SLC6A15: variants seen among roughly 807,000 people sequenced by gnomAD.
SLC6A15 encodes the protein sodium-dependent neutral amino acid transporter B(0)AT2.
Under a neutral mutation model 68.5 loss-of-function variants are expected in SLC6A15, and 33 were observed. That is an observed-to-expected ratio of 0.48 (90% CI 0.37 to 0.64). The LOEUF is 0.64. Among genes scored for constraint, SLC6A15 ranks in the 30% least tolerant of loss-of-function variants. SLC6A15 has a pLI of 0.00. For missense variants in SLC6A15, 747 were observed against 874.3 expected, an observed-to-expected ratio of 0.85 and a Z score of 1.84; for synonymous variants, 347 against 301.0, an observed-to-expected ratio of 1.15 and a Z score of -1.58.
At position 84,872,548 on chromosome 12, in the gene SLC6A15, T is replaced by C. The variant is rs1199093789; in HGVS notation, c.1302+54A>G. 8.2e-6 allele frequency: 12 copies of C among 1,465,524 alleles called. No homozygotes were observed. In the African/African-American group the frequency reaches 1.4e-4, roughly 17 times the overall value. The allele number at this position is 1,465,524 out of a possible 1,614,324, so 90.8% of individuals were successfully genotyped here. ...TTCCTGAAGGGAGTCTGCTGGATAA[T>C]GCATATTTCAAGTGAATGATAATTA... On this transcript the variant is annotated intron_variant, in intron 8 of 11. Transcript: ENST00000266682.
chr12:84,866,423 A>G (rs1565719772), intron 10 of SLC6A15, among the ~76,000 whole-genome samples: 1 of 152,186 alleles, frequency 6.6e-6, no homozygotes, highest in Non-Finnish European at 1.5e-5. Context: ...TTATGCGTAT[A>G]GTGAATTTAA....
chr12:84,885,877 A>C, intron 3 of SLC6A15, 34 bp downstream of exon 3: 1 of 1,557,702 alleles, frequency 6.4e-7, no homozygotes, highest in South Asian at 1.2e-5. Flanking sequence ...AACCCTATAA[A>C]GATTACAGCA....
At chr12:84,890,506 A>C (rs1411262347) in intron 2 of SLC6A15, among the ~76,000 whole-genome samples, 2 of 152,240 alleles carry the variant, frequency 1.3e-5, no homozygotes, top group African/African-American at 4.8e-5. Context: ...AGCTGATTTA[A>C]TAAATAATTC....
intron 8 of SLC6A15, 95 bp downstream of exon 8, chr12:84,872,507 G>T: frequency 1.1e-6 from 1 of 925,990 alleles, no homozygotes; most frequent in Non-Finnish European, 1.6e-6. Context: ...GCTTCTTCGG[G>T]CATTTTAAGG....
chr12:84,863,478 T>C lies in SLC6A15; in HGVS notation c.1779A>G (p.Gly593=), dbSNP rs1427423913. 1.3e-6 allele frequency: 2 copies of C among 1,589,054 alleles called. No homozygotes were observed. The highest frequency in any genetic ancestry group is 1.2e-5 in the South Asian group (1 of 86,296). The change falls in exon 11 of 12, where the codon GGA becomes GGG. Residue 593 remains glycine (G), a synonymous_variant. Transcript: ENST00000266682. ...SLLIASVVNM[G]LSPPGYNAWI... is the part of the protein sequence containing the mutation. The stretch of plus-strand genomic sequence containing the variant: ...ATGCGTTATAGCCAGGAGGACTTAA[T>C]CCCATATTCACAACACTAGCTATTA...
At chr12:84,911,292 G>A (rs975530794) in intron 1 of SLC6A15, among the ~76,000 whole-genome samples, 1 of 152,166 alleles carries the variant, frequency 6.6e-6, no homozygotes, top group African/African-American at 2.4e-5. Flanking sequence ...TCTCCCATAC[G>A]TCTTAAGTAG....
rs773850766 is a variant in SLC6A15 at position 84,870,575 on chromosome 12, C to G, written c.1398G>C (p.Met466Ile). The change falls in exon 9 of 12, where the codon ATG becomes ATC. Residue 466 changes from methionine (M) to isoleucine (I), a missense_variant. Transcript: ENST00000266682. ...SPFWSVMFFL[M>I]LVNLGLGSMF... ...TACTGCCAAGGCCTAGATTGACCAG[C>G]ATGAGGAAAAACATCACTGACCAGA... The G allele has an allele frequency of 6.2e-7, 1 of 1,612,758 alleles. No homozygotes were observed. Among genetic ancestry groups the G allele is most frequent in the Admixed American group, 1.7e-5 (1 of 59,828 alleles).
rs373430780 is a variant in SLC6A15 at position 84,876,089 on chromosome 12, A to AT, written c.867+407dup. 7.7e-3 allele frequency among the ~76,000 whole-genome samples: 1,143 copies of AT among 147,906 alleles called. 9 individuals carry two copies. Among genetic ancestry groups the AT allele is most frequent in the African/African-American group, 0.014 (567 of 40,564 alleles). ...ATACACTAAGCAAATTAATATGTTC[A>AT]TTTTTTTTTTTGGGAAAAAAAATCC... On this transcript the variant is annotated intron_variant, in intron 6 of 11. Coordinates refer to ENST00000266682, the MANE Select transcript of SLC6A15 (RefSeq NM_182767.6).
intron 5 of SLC6A15, among the ~76,000 whole-genome samples, chr12:84,878,467 T>A (rs1406009756): frequency 6.6e-6 from 1 of 152,142 alleles, no homozygotes; most frequent in Non-Finnish European, 1.5e-5. Context: ...ATGGATTCAC[T>A]TTTGAACAAT....
intron 9 of SLC6A15, chr12:84,867,482 T>G (rs1234447014): frequency 5.3e-6 from 1 of 189,704 alleles, no homozygotes; most frequent in Non-Finnish European, 1.1e-5. Flanking sequence ...TAGAGAAAAA[T>G]TTAAAAGTAT....
At chr12:84,895,339 A>ATTTTTTTTTTTTTTTTTTTTT (rs67339994) in intron 1 of SLC6A15, among the ~76,000 whole-genome samples, 20 of 54,784 alleles carry the variant, frequency 3.7e-4, no homozygotes, top group East Asian at 5.7e-4. Context: ...TTTTGTTTGT[A>ATTTTTTTTTTTTTTTTTTTTT]TTTTTTTTTT....
At chr12:84,886,165 T>G in intron 2 of SLC6A15, 97 bp from the exon 3 acceptor site, 1 of 798,744 alleles carries the variant, frequency 1.3e-6, no homozygotes, top group Admixed American at 2.7e-5. Context: ...TGAATTACTA[T>G]ATAGTGCAAT....
Position 84,862,004 on chromosome 12 carries a change from T to C in SLC6A15, c.1821A>G (p.Ala607=), listed in dbSNP as rs755824356. 8 of 1,576,858 alleles carry C rather than the reference T, an allele frequency of 5.1e-6. No homozygotes were observed. The highest frequency in any genetic ancestry group is 1.2e-5 in the South Asian group (1 of 85,320). Residue 607 remains alanine, a splice_region_variant and synonymous_variant, in exon 12 of 12, where the codon GCA becomes GCG. Transcript: ENST00000266682. The part of the protein sequence containing the change: ...PGYNAWIEDK[A]SEEFLSYPTW... ...TTGGATAGCTCAGAAATTCTTCAGA[T>C]GCCTGTTAAAGAAGAAAATAATAAT... is the stretch of plus-strand genomic sequence containing the variant.
chr12:84,875,336 A>G (rs1392825493), intron 6 of SLC6A15, among the ~76,000 whole-genome samples: 1 of 152,048 alleles, frequency 6.6e-6, no homozygotes, highest in Non-Finnish European at 1.5e-5. Flanking sequence ...AATGTTAAAC[A>G]GGAATTTTGA....
At chr12:84,866,357 G>A (rs1378234067) in intron 10 of SLC6A15, among the ~76,000 whole-genome samples, 1 of 152,100 alleles carries the variant, frequency 6.6e-6, no homozygotes, top group Non-Finnish European at 1.5e-5. Context: ...TGAATGGTGT[G>A]AAAAGTATGT....
Position 84,886,074 on chromosome 12 carries a change from GA to G in SLC6A15, c.290-7del, listed in dbSNP as rs1293712597. On this transcript the variant is annotated splice_region_variant and splice_polypyrimidine_tract_variant and intron_variant, in intron 2 of 11. Coordinates refer to ENST00000266682, the MANE Select transcript of SLC6A15 (RefSeq NM_182767.6). ...ATATGGTAAAAGATATGCACCTAAA[GA>G]AACAACAACAAAAAATAGATTATAT... 2 of 1,557,264 alleles carry G rather than the reference GA, an allele frequency of 1.3e-6. No homozygotes were observed. Among genetic ancestry groups the G allele is most frequent in the Non-Finnish European group, 1.8e-6 (2 of 1,137,636 alleles).
intron 1 of SLC6A15, among the ~76,000 whole-genome samples, chr12:84,903,926 A>C (rs1373239012): frequency 6.6e-6 from 1 of 152,170 alleles, no homozygotes; most frequent in Non-Finnish European, 1.5e-5. Context: ...TATTAATTTA[A>C]AGGCACTGAA....
At chr12:84,880,862 A>C in intron 5 of SLC6A15, 2 of 951,650 alleles carry the variant, frequency 2.1e-6, no homozygotes, top group Non-Finnish European at 2.5e-6. Flanking sequence ...ACATATGAAA[A>C]ATGTTTATTA....
intron 10 of SLC6A15, among the ~76,000 whole-genome samples, chr12:84,865,173 G>A (rs1021238778): frequency 6.6e-6 from 1 of 152,150 alleles, no homozygotes; most frequent in African/African-American, 2.4e-5. Flanking sequence ...TGAAATGAAG[G>A]TCAAGGTTAC....
Sources: allele counts gnomAD v4.1 joint callset (sites outside exome capture counted in the v4.1 genomes callset), GRCh38; gene constraint gnomAD v4.1.1; transcripts MANE v1.5; gene names NCBI Gene and HGNC (gene_info 2026-07-23, HGNC 2026-07-21).